The following CMC2 variants were observed in gnomAD, a reference collection of about 807,000 sequenced individuals.
CMC2 encodes C-X9-C motif containing 2.
Under a neutral mutation model 7.5 loss-of-function variants are expected in CMC2, and 5 were observed. The ratio of observed to expected loss-of-function variants is 0.66; its 90% CI spans 0.35 to 1.40. The LOEUF (loss-of-function observed/expected upper bound fraction) is 1.40, where lower values mean the gene tolerates loss of function less well. CMC2 is among the 40% of genes most tolerant of loss of function. The pLI, the probability that CMC2 is intolerant of heterozygous loss-of-function variation, is 0.04. For synonymous variants in CMC2, 37 were observed against 31.4 expected (o/e 1.18, Z -0.60); for missense variants, 115 against 92.3 (o/e 1.25, Z -1.01).
At chr16:80,990,616 C>T (rs993879790) in intron 2 of CMC2, among the ~76,000 whole-genome samples, 39 of 152,140 alleles carry the variant, frequency 2.6e-4, no homozygotes, top group Admixed American at 5.2e-4. Context: ...CTATCTTCTC[C>T]TCCTTTTTTA....
chr16:81,005,068 C>G (rs1232286776), intron 1 of CMC2, among the ~76,000 whole-genome samples: 8 of 152,208 alleles, frequency 5.3e-5, no homozygotes, highest in African/African-American at 1.9e-4. Flanking sequence ...CCAGAAAAGT[C>G]TGTTGTGCAG....
At chr16:80,980,837 C>T (rs552899429) in intron 3 of CMC2, 5 of 700,046 alleles carry the variant, frequency 7.1e-6, no homozygotes, top group Admixed American at 2.0e-5. Context: ...CCGTGAGTTA[C>T]GATCACCCTA....
In CMC2 at chr16:80,974,583, G is replaced by T. The variant is rs1001145944; in HGVS notation, c.*1510C>A. ...ATCCCATTTTCACTCATTTGTCAAA[G>T]GTCATCTTTGCTAAATAGCTTTCTT... On this transcript the variant is annotated 3_prime_UTR_variant, in exon 4 of 4. Transcript: ENST00000219400. The T allele has an allele frequency of 1.3e-5, 2 of 152,128 alleles. No individual in the cohort carries two copies. The highest frequency in any genetic ancestry group is 4.8e-5 in the African/African-American group (2 of 41,402). 9.4% of individuals were successfully genotyped at this position (152,128 alleles called of 1,614,324 possible). A position where few individuals can be genotyped will look rare whatever the true frequency, so the allele number is the denominator to read the frequency against.
At chr16:80,985,225 G>T (rs1332531981) in intron 2 of CMC2, among the ~76,000 whole-genome samples, 1 of 152,148 alleles carries the variant, frequency 6.6e-6, no homozygotes, top group Non-Finnish European at 1.5e-5. Flanking sequence ...TTCAGGGAAG[G>T]TACAAGGTCA....
intron 3 of CMC2, chr16:80,980,777 C>T (rs1967050014): frequency 1.4e-6 from 1 of 695,864 alleles, no homozygotes; most frequent in African/African-American, 1.8e-5. Context: ...CACCTGTCGT[C>T]CTAGCTACTC....
At chr16:81,004,688 G>T (rs927131541) in intron 1 of CMC2, among the ~76,000 whole-genome samples, 1 of 152,232 alleles carries the variant, frequency 6.6e-6, no homozygotes, top group Non-Finnish European at 1.5e-5. Flanking sequence ...AGCTGGGAGG[G>T]TAGAAGCGGT....
At chr16:80,997,168 G>A (rs1294548672) in intron 2 of CMC2, 146 bp downstream of exon 2, 23 of 614,364 alleles carry the variant, frequency 3.7e-5, no homozygotes, top group South Asian at 2.5e-4. Flanking sequence ...GAAAAAAATC[G>A]CACATATCAA....
intron 1 of CMC2, among the ~76,000 whole-genome samples, chr16:81,000,152 G>C (rs1968747634): frequency 6.6e-6 from 1 of 152,142 alleles, no homozygotes; most frequent in Admixed American, 6.5e-5. Context: ...CTAATATCCA[G>C]AATCTATAAA....
rs376507559 is a variant in CMC2, at chr16:80,971,594, TC to T, written c.*4498del. 1.6e-3 allele frequency: 177 copies of T among 111,954 alleles called. 3 individuals are homozygous for T. Among genetic ancestry groups the T allele is most frequent in the African/African-American group, 5.8e-3 (124 of 21,528 alleles). The allele number at this position is 111,954 out of a possible 1,614,324, so 6.9% of individuals were successfully genotyped here. A position where few individuals can be genotyped will look rare whatever the true frequency, so the allele number is the denominator to read the frequency against. ...TATATATATATATATATGTATGAAA[TC>T]ATGCATATATATATATGTATGAAAT... On this transcript the variant is annotated 3_prime_UTR_variant, in exon 4 of 4. Transcript: ENST00000219400.
rs34839018 is a variant in CMC2, at chr16:80,971,564, TTATATA to T, written c.*4523_*4528del. 4.9e-5 allele frequency: 6 copies of T among 121,244 alleles called. No individual in the cohort carries two copies. The highest frequency in any genetic ancestry group is 8.2e-5 in the Non-Finnish European group (5 of 60,868). 7.5% of individuals were successfully genotyped at this position (121,244 alleles called of 1,614,324 possible). ...CTATGGATACTGACATACATACATT[TTATATA>T]TATATATATATATATGTATGAAATC... On this transcript the variant is annotated 3_prime_UTR_variant, in exon 4 of 4. Coordinates refer to ENST00000219400, the MANE Select transcript of CMC2 (RefSeq NM_020188.5).
chr16:81,000,968 G>A (rs1285655087), intron 1 of CMC2, among the ~76,000 whole-genome samples: 1 of 152,128 alleles, frequency 6.6e-6, no homozygotes, highest in East Asian at 1.9e-4. Context: ...GTAATGGATT[G>A]GATAAAGAAA....
rs1223667464 is a variant in CMC2, at chr16:80,970,238, T to G, written c.*5855A>C. On this transcript the variant is annotated 3_prime_UTR_variant, in exon 4 of 4. Coordinates refer to ENST00000219400, the MANE Select transcript of CMC2 (RefSeq NM_020188.5). ...GCTCTGATCCATACCAGAAAATGGA[T>G]GCTTCATGGACCGTCTCTCTCTCAA... The G allele has an allele frequency of 6.6e-6, 1 of 152,228 alleles. No homozygotes were observed. The highest frequency in any genetic ancestry group is 1.5e-5 in the Non-Finnish European group (1 of 68,042). The allele number at this position is 152,228 out of a possible 1,614,324, so 9.4% of individuals were successfully genotyped here.
rs1276015140 is a variant in CMC2 at position 80,968,949 on chromosome 16, A to T, written c.*7144T>A. The T allele has an allele frequency of 6.6e-6, 1 of 152,218 alleles. No individual in the cohort carries two copies. The highest frequency in any genetic ancestry group is 6.5e-5 in the Admixed American group (1 of 15,282). The allele number at this position is 152,218 out of a possible 1,614,324, so 9.4% of individuals were successfully genotyped here. On this transcript the variant is annotated 3_prime_UTR_variant, in exon 4 of 4. Transcript: ENST00000219400. The stretch of plus-strand genomic sequence containing the variant: ...CAAGAATATCACATAAAGCCAGGAG[A>T]TGGTAATCCTCTAAGAAAACATTAA...
chr16:80,995,928 T>A (rs555100577), intron 2 of CMC2, among the ~76,000 whole-genome samples: 2 of 152,118 alleles, frequency 1.3e-5, no homozygotes, highest in African/African-American at 4.8e-5. Context: ...TACACCTCAA[T>A]AAAGTTAATT....
rs966707988 is a variant in CMC2, at chr16:80,971,794, C to T, written c.*4299G>A. 1 of 151,686 alleles carries T rather than the reference C, an allele frequency of 6.6e-6. No individual in the cohort carries two copies. The highest frequency in any genetic ancestry group is 1.5e-5 in the Non-Finnish European group (1 of 67,968). The allele number at this position is 151,686 out of a possible 1,614,324, so 9.4% of individuals were successfully genotyped here. A position where few individuals can be genotyped will look rare whatever the true frequency, so the allele number is the denominator to read the frequency against. ...CTTAGATAGCAGCTATGTGAGTGTT[C>T]GTATTAGTCTGTATAGTTTTCTGTA... On this transcript the variant is annotated 3_prime_UTR_variant, in exon 4 of 4. Transcript: ENST00000219400.
At chr16:80,986,423 C>A (rs901115027) in intron 2 of CMC2, among the ~76,000 whole-genome samples, 1 of 151,554 alleles carries the variant, frequency 6.6e-6, no homozygotes, top group Admixed American at 6.6e-5. Flanking sequence ...CCACTGCACT[C>A]CAGCCTGGGC....
intron 3 of CMC2, among the ~76,000 whole-genome samples, chr16:80,978,067 C>G: frequency 1.3e-5 from 1 of 79,702 alleles, no homozygotes. Context: ...AGTGAGACTT[C>G]GTCTCAAAAA....
At chr16:80,990,244 C>T (rs1317812889) in intron 2 of CMC2, among the ~76,000 whole-genome samples, 1 of 152,044 alleles carries the variant, frequency 6.6e-6, no homozygotes, top group African/African-American at 2.4e-5. Flanking sequence ...AGTCTCAGCT[C>T]ACTGCAACCT....
At chr16:81,001,627 C>T (rs959030620) in intron 1 of CMC2, among the ~76,000 whole-genome samples, 6 of 152,102 alleles carry the variant, frequency 3.9e-5, no homozygotes, top group African/African-American at 1.2e-4. Flanking sequence ...TTTTATGTTA[C>T]GTGCATTTCA....
Sources: allele counts gnomAD v4.1 joint callset (sites outside exome capture counted in the v4.1 genomes callset), GRCh38; gene constraint gnomAD v4.1.1; transcripts MANE v1.5; gene names NCBI Gene and HGNC (gene_info 2026-07-23, HGNC 2026-07-21).